KIDINS220: variants seen among roughly 807,000 people sequenced by gnomAD.
KIDINS220 encodes the protein kinase D interacting substrate 220, also known as kinase D-interacting substrate of 220 kDa.
Under a neutral mutation model 157.6 loss-of-function variants are expected in KIDINS220, and 63 were observed. The ratio of observed to expected loss-of-function variants is 0.40; its 90% CI spans 0.33 to 0.49. The LOEUF is 0.49. KIDINS220 is among the 20% of genes least tolerant of loss of function. KIDINS220 has a pLI of 0.66. For missense variants in KIDINS220, 1,772 were observed against 2,171.2 expected (o/e 0.82, Z 3.65); for synonymous variants, 732 against 783.6 (o/e 0.93, Z 1.10).
At chr2:8,794,205 C>T in intron 11 of KIDINS220, 1 of 365,632 alleles carries the variant, frequency 2.7e-6, no homozygotes, top group Non-Finnish European at 4.9e-6. Context: ...TCCCACAGCC[C>T]TCTAGAATGA....
chr2:8,762,133 A>AT (rs1310822622), intron 22 of KIDINS220, among the ~76,000 whole-genome samples: 2 of 151,448 alleles, frequency 1.3e-5, no homozygotes, highest in African/African-American at 4.9e-5. Flanking sequence ...TTAAACATGT[A>AT]TTTCTTACAT....
chr2:8,788,329 C>T (rs879306518), intron 15 of KIDINS220, among the ~76,000 whole-genome samples: 5 of 151,288 alleles, frequency 3.3e-5, no homozygotes, highest in African/African-American at 7.3e-5. Context: ...AGTGCAATGG[C>T]GCGATCCTGG....
At chr2:8,794,622 T>A (rs1353622641) in intron 11 of KIDINS220, among the ~76,000 whole-genome samples, 1 of 152,164 alleles carries the variant, frequency 6.6e-6, no homozygotes, top group African/African-American at 2.4e-5. Context: ...CTTTTCCCTA[T>A]CAACCCACCT....
At chr2:8,762,768 G>T (rs1469694006) in intron 22 of KIDINS220, among the ~76,000 whole-genome samples, 3 of 151,806 alleles carry the variant, frequency 2.0e-5, no homozygotes, top group African/African-American at 7.3e-5. Flanking sequence ...GAAAAGAAAA[G>T]AAAACCTATT....
At chr2:8,764,967 T>C (rs1232159300) in intron 22 of KIDINS220, among the ~76,000 whole-genome samples, 1 of 152,134 alleles carries the variant, frequency 6.6e-6, no homozygotes, top group Non-Finnish European at 1.5e-5. Flanking sequence ...ATGGCCAGTG[T>C]TATGAAAGAA....
At chr2:8,762,868 T>G (rs550176562) in intron 22 of KIDINS220, among the ~76,000 whole-genome samples, 80 of 152,342 alleles carry the variant, frequency 5.3e-4, no homozygotes, top group African/African-American at 1.9e-3. Flanking sequence ...GATGTTTAAG[T>G]GCTAAATATC....
chr2:8,808,247 T>G (rs1675785643), intron 6 of KIDINS220, among the ~76,000 whole-genome samples: 1 of 152,238 alleles, frequency 6.6e-6, no homozygotes, highest in African/African-American at 2.4e-5. Flanking sequence ...TAATACTTAC[T>G]CTGGCTAAAA....
At chr2:8,760,317 C>T (rs1668586764) in intron 22 of KIDINS220, among the ~76,000 whole-genome samples, 2 of 151,930 alleles carry the variant, frequency 1.3e-5, no homozygotes, top group African/African-American at 4.8e-5. Flanking sequence ...TTTTTGTTTA[C>T]AAAATTATGC....
At chr2:8,753,605 T>C (rs936456496) in intron 22 of KIDINS220, among the ~76,000 whole-genome samples, 1 of 152,230 alleles carries the variant, frequency 6.6e-6, no homozygotes, top group Non-Finnish European at 1.5e-5. Flanking sequence ...ATCCTTCCAA[T>C]TAAACAAGAA....
At chr2:8,796,917 G>C in intron 10 of KIDINS220, 48 bp from the exon 11 acceptor site, 1 of 1,306,616 alleles carries the variant, frequency 7.7e-7, no homozygotes. Context: ...CTTGACTCCT[G>C]TGTTTATGTC....
intron 1 of KIDINS220, among the ~76,000 whole-genome samples, chr2:8,832,504 A>G (rs1414981874): frequency 6.6e-6 from 1 of 152,200 alleles, no homozygotes; most frequent in Non-Finnish European, 1.5e-5. Context: ...AGACCCCCAT[A>G]TATGTATCTA....
chr2:8,743,535 C>T (rs1665927323), intron 26 of KIDINS220, among the ~76,000 whole-genome samples: 1 of 152,124 alleles, frequency 6.6e-6, no homozygotes, highest in South Asian at 2.1e-4. Context: ...GTAATCTGTC[C>T]AAGGCAAAGA....
At chr2:8,828,532 C>G (rs993915640) in intron 1 of KIDINS220, among the ~76,000 whole-genome samples, 1 of 152,200 alleles carries the variant, frequency 6.6e-6, no homozygotes, top group Non-Finnish European at 1.5e-5. Flanking sequence ...AAATAAACCT[C>G]AATCCATACT....
chr2:8,778,076 T>A (rs950438693), intron 20 of KIDINS220, among the ~76,000 whole-genome samples: 1 of 152,212 alleles, frequency 6.6e-6, no homozygotes, highest in African/African-American at 2.4e-5. Flanking sequence ...TATCTTCCTG[T>A]CATATGCATA....
chr2:8,826,828 A>C, intron 2 of KIDINS220, 158 bp downstream of exon 2: 2 of 382,464 alleles, frequency 5.2e-6, no homozygotes, highest in Non-Finnish European at 9.3e-6. Flanking sequence ...AAAAACATGA[A>C]ATTTGAAGTA....
intron 26 of KIDINS220, among the ~76,000 whole-genome samples, chr2:8,740,536 T>A (rs931986133): frequency 3.9e-5 from 6 of 152,222 alleles, no homozygotes; most frequent in Non-Finnish European, 7.3e-5. Context: ...ATATGCAAGT[T>A]TAACATTAAT....
At position 8,793,740 on chromosome 2, in the gene KIDINS220, T is replaced by C. The variant is rs926115022; in HGVS notation, c.1276+70A>G. The C allele has an allele frequency of 1.3e-5, 18 of 1,405,630 alleles. No individual in the cohort carries two copies. The East Asian group carries it at 4.3e-4, about 34-fold the overall frequency. The allele number at this position is 1,405,630 out of a possible 1,614,324, so 87.1% of individuals were successfully genotyped here. On this transcript the variant is annotated intron_variant, in intron 12 of 29. Coordinates refer to ENST00000256707, the MANE Select transcript of KIDINS220 (RefSeq NM_020738.4). ...AGGCATGAGCCACCATGCCTGGCCT[T>C]ATTTTCCATATTCTTTAATGGAACA...
At position 8,812,360 on chromosome 2, in the gene KIDINS220, A is replaced by G. The variant is rs775433232; in HGVS notation, c.504+35T>C. On this transcript the variant is annotated intron_variant, in intron 6 of 29. Coordinates refer to ENST00000256707, the MANE Select transcript of KIDINS220 (RefSeq NM_020738.4). ...AACTTAGACACTGAGTGGACATAAC[A>G]TGGACTGGAACCTGAAAAGATGCTG... 29 of 1,204,004 alleles carry G rather than the reference A, an allele frequency of 2.4e-5. 1 individual carries two copies. The Middle Eastern group carries it at 5.8e-4, about 24-fold the overall frequency. 74.6% of individuals were successfully genotyped at this position (1,204,004 alleles called of 1,614,324 possible).
chr2:8,742,692 T>A (rs1442137712), intron 26 of KIDINS220, among the ~76,000 whole-genome samples: 1 of 152,220 alleles, frequency 6.6e-6, no homozygotes, highest in African/African-American at 2.4e-5. Context: ...AATGACTTCA[T>A]AAAACCGATA....
Sources: gnomAD v4.1 joint callset for allele counts (sites outside exome capture counted in the v4.1 genomes callset) on GRCh38, gnomAD v4.1.1 for gene constraint, MANE v1.5 for transcripts, NCBI Gene and HGNC (gene_info 2026-07-23, HGNC 2026-07-21) for gene names.